The following SLC44A1 variants were observed in gnomAD, a reference collection of about 807,000 sequenced individuals.
SLC44A1 encodes the protein solute carrier family 44 member 1.
SLC44A1 carries 26 observed loss-of-function variants against 79.3 expected under a neutral mutation model. That is an observed-to-expected ratio of 0.33 (90% CI 0.24 to 0.46). The LOEUF (loss-of-function observed/expected upper bound fraction) is 0.46, where lower values mean the gene tolerates loss of function less well. Among genes scored for constraint, SLC44A1 ranks in the 20% least tolerant of loss-of-function variants. SLC44A1 has a pLI of 1.00. For missense variants in SLC44A1, 688 were observed against 798.1 expected (o/e 0.86, Z 1.66); for synonymous variants, 263 against 286.2 (o/e 0.92, Z 0.82).
intron 1 of SLC44A1, among the ~76,000 whole-genome samples, chr9:105,247,160 G>GT (rs1829475819): frequency 6.6e-6 from 1 of 151,042 alleles, no homozygotes; most frequent in Non-Finnish European, 1.5e-5. Flanking sequence ...CTAATCGGCT[G>GT]GTATTTTAAC....
At chr9:105,356,984 G>T (rs1288536006) in intron 6 of SLC44A1, among the ~76,000 whole-genome samples, 1 of 152,184 alleles carries the variant, frequency 6.6e-6, no homozygotes, top group Non-Finnish European at 1.5e-5. Flanking sequence ...TTATCAGAAT[G>T]TATAGGCCTT....
At chr9:105,249,865 ATTTT>A (rs71501461) in intron 1 of SLC44A1, among the ~76,000 whole-genome samples, 40 of 127,366 alleles carry the variant, frequency 3.1e-4, no homozygotes, top group Non-Finnish European at 4.9e-4. Context: ...CAGTTTACTA[ATTTT>A]TTTTTTTTTT....
At chr9:105,311,724 A>T (rs1831185523) in intron 3 of SLC44A1, among the ~76,000 whole-genome samples, 1 of 152,092 alleles carries the variant, frequency 6.6e-6, no homozygotes, top group Admixed American at 6.5e-5. Context: ...TTTATTTTTG[A>T]TTTCTACTTC....
chr9:105,271,786 G>T (rs1830084165), intron 1 of SLC44A1, among the ~76,000 whole-genome samples: 2 of 152,058 alleles, frequency 1.3e-5, no homozygotes, highest in African/African-American at 4.8e-5. Flanking sequence ...GCTAATTTTT[G>T]TAGTTTTAGT....
chr9:105,313,069 G>T (rs1831224479), intron 3 of SLC44A1, among the ~76,000 whole-genome samples: 1 of 151,950 alleles, frequency 6.6e-6, no homozygotes, highest in Non-Finnish European at 1.5e-5. Flanking sequence ...TTATTGTCTG[G>T]GACATTCAAT....
At chr9:105,312,525 T>G (rs1433712869) in intron 3 of SLC44A1, among the ~76,000 whole-genome samples, 2 of 152,234 alleles carry the variant, frequency 1.3e-5, no homozygotes, top group Non-Finnish European at 2.9e-5. Context: ...TAAATCAATT[T>G]ATTTCCTTAG....
chr9:105,378,215 C>T (rs6479317), intron 13 of SLC44A1, among the ~76,000 whole-genome samples: 12,980 of 152,244 alleles, frequency 0.085, 1,873 homozygotes, highest in African/African-American at 0.3. Context: ...CGCCACTGCA[C>T]TGCAGCCCGG....
chr9:105,405,571 G>C (rs1829019162), intron 15 of SLC44A1, among the ~76,000 whole-genome samples: 1 of 152,164 alleles, frequency 6.6e-6, no homozygotes, highest in Non-Finnish European at 1.5e-5. Context: ...AGCAGCATCT[G>C]TGAAAGTGGT....
chr9:105,343,614 T>C (rs1424604204), intron 4 of SLC44A1, among the ~76,000 whole-genome samples: 4 of 152,226 alleles, frequency 2.6e-5, no homozygotes, highest in South Asian at 4.1e-4. Flanking sequence ...AGCAACCGAA[T>C]TAATTGTCTC....
chr9:105,296,269 A>C (rs1297682749), intron 1 of SLC44A1, among the ~76,000 whole-genome samples: 1 of 151,882 alleles, frequency 6.6e-6, no homozygotes, highest in East Asian at 1.9e-4. Flanking sequence ...ACTACTTAAG[A>C]CTCTGTCAGT....
chr9:105,412,154 T>G (rs1829103132), intron 15 of SLC44A1, among the ~76,000 whole-genome samples: 1 of 152,234 alleles, frequency 6.6e-6, no homozygotes, highest in Non-Finnish European at 1.5e-5. Flanking sequence ...CAAATAAATA[T>G]TTATTCATCA....
chr9:105,341,513 T>C (rs567231954), intron 4 of SLC44A1, among the ~76,000 whole-genome samples: 4 of 152,124 alleles, frequency 2.6e-5, no homozygotes, highest in Non-Finnish European at 5.9e-5. Flanking sequence ...AAATTGCCTT[T>C]AAAAAATTGA....
downstream of SLC44A1, among the ~76,000 whole-genome samples, chr9:105,401,132 A>G (rs1828952908): frequency 6.6e-6 from 1 of 152,224 alleles, no homozygotes; most frequent in Non-Finnish European, 1.5e-5. Context: ...ATTTGGCAAA[A>G]TGGTTAAGTG....
intron 1 of SLC44A1, among the ~76,000 whole-genome samples, chr9:105,268,876 A>G (rs1830019647): frequency 6.6e-6 from 1 of 152,198 alleles, no homozygotes; most frequent in Admixed American, 6.5e-5. Context: ...TGGATTCTTA[A>G]TGTTGCCTTA....
rs12341936 is a variant in SLC44A1, at chr9:105,292,405, C to T, written c.37-6815C>T. On this transcript the variant is annotated intron_variant, in intron 1 of 15. Transcript: ENST00000374720. Reference sequence around the variant, plus strand: ...CTGAAAGGCCTCTTCCTAACTGGAGCCACAAAATCTTTAGTGTGTAAAAAA... The same window carrying T: ...CTGAAAGGCCTCTTCCTAACTGGAGTCACAAAATCTTTAGTGTGTAAAAAA... Among the ~76,000 whole-genome samples the T allele has an allele frequency of 5.9e-3, 905 of 152,196 alleles. 10 individuals carry two copies. Among genetic ancestry groups the T allele is most frequent in the African/African-American group, 0.02 (833 of 41,532 alleles).
At chr9:105,254,281 C>T (rs59674098) in intron 1 of SLC44A1, among the ~76,000 whole-genome samples, 3,208 of 152,174 alleles carry the variant, frequency 0.021, 39 homozygotes, top group Middle Eastern at 0.037. Context: ...CTCTTCTTAC[C>T]GTCTTTTGCT....
intron 2 of SLC44A1, 61 bp downstream of exon 2, chr9:105,299,370 T>A: frequency 8.5e-7 from 1 of 1,183,038 alleles, no homozygotes; most frequent in East Asian, 2.6e-5. Context: ...TGACGAGTAG[T>A]TGTTTTAATG....
At chr9:105,303,149 C>A (rs1830926258) in intron 2 of SLC44A1, among the ~76,000 whole-genome samples, 1 of 152,030 alleles carries the variant, frequency 6.6e-6, no homozygotes, top group South Asian at 2.1e-4. Flanking sequence ...CTGTACACAT[C>A]AGGAAACAAG....
intron 15 of SLC44A1, among the ~76,000 whole-genome samples, chr9:105,418,027 G>T (rs1418059967): frequency 6.6e-6 from 1 of 151,708 alleles, no homozygotes; most frequent in Non-Finnish European, 1.5e-5. Context: ...TAAAAATAAT[G>T]ATAATAGGCT....
Sources: allele counts gnomAD v4.1 joint callset (sites outside exome capture counted in the v4.1 genomes callset), GRCh38; gene constraint gnomAD v4.1.1; transcripts MANE v1.5; gene names NCBI Gene and HGNC (gene_info 2026-07-23, HGNC 2026-07-21).